The following GALNT3 variants were observed in gnomAD, a reference collection of about 807,000 sequenced individuals.
GALNT3 encodes the protein GalNAc transferase 3.
GALNT3 carries 51 observed loss-of-function variants against 69.8 expected under a neutral mutation model. That is an observed-to-expected ratio of 0.73 (90% CI 0.58 to 0.92). GALNT3 has a LOEUF of 0.92. Ranked by LOEUF, GALNT3 falls within the 40% of genes least tolerant of loss-of-function variation. The probability of loss-of-function intolerance (pLI) is 0.00; values close to 1 mark genes in which losing one functional copy is unlikely to be tolerated. For missense variants in GALNT3, 711 were observed against 760.0 expected, an observed-to-expected ratio of 0.94 and a Z score of 0.76; for synonymous variants, 265 against 248.5, an observed-to-expected ratio of 1.07 and a Z score of -0.63.
At chr2:165,785,880 G>C (rs1683208771) in intron 1 of GALNT3, among the ~76,000 whole-genome samples, 1 of 152,082 alleles carries the variant, frequency 6.6e-6, no homozygotes, top group Non-Finnish European at 1.5e-5. Context: ...AAAGATGTTA[G>C]AGTACATAGA....
intron 9 of GALNT3, among the ~76,000 whole-genome samples, chr2:165,751,732 A>G (rs1412341277): frequency 1.3e-5 from 2 of 152,188 alleles, no homozygotes; most frequent in Admixed American, 1.3e-4. Context: ...TGGCCAGCTT[A>G]GTCACATAAC....
chr2:165,793,278 C>A lies in GALNT3; in HGVS notation c.-109+737G>T, dbSNP rs1031442675. Among the ~76,000 whole-genome samples the A allele has an allele frequency of 9.2e-5, 14 of 152,266 alleles. 1 individual carries two copies. The highest frequency in any genetic ancestry group is 2.6e-4 in the Admixed American group (4 of 15,300). ...AGCCGCGATATGCAGGTCCTTAAGT[C>A]AACAGGTCCTCTAACGAGATGGTGA... On this transcript the variant is annotated intron_variant, in intron 1 of 10. Coordinates refer to ENST00000392701, the MANE Select transcript of GALNT3 (RefSeq NM_004482.4).
intron 3 of GALNT3, among the ~76,000 whole-genome samples, chr2:165,764,664 G>A (rs1175755502): frequency 6.6e-6 from 1 of 152,084 alleles, no homozygotes; most frequent in Admixed American, 6.6e-5. Flanking sequence ...CTCACATTGA[G>A]GACTACATAG....
intron 1 of GALNT3, among the ~76,000 whole-genome samples, chr2:165,792,382 C>T (rs894249041): frequency 6.6e-6 from 1 of 152,170 alleles, no homozygotes; most frequent in African/African-American, 2.4e-5. Context: ...CAGGGAACAA[C>T]TCCTATATCT....
At chr2:165,765,710 G>C (rs1042502646) in intron 2 of GALNT3, among the ~76,000 whole-genome samples, 6 of 151,882 alleles carry the variant, frequency 4.0e-5, no homozygotes, top group Non-Finnish European at 7.4e-5. Flanking sequence ...GGATGGTCTC[G>C]ATCACCTGAC....
intron 1 of GALNT3, among the ~76,000 whole-genome samples, chr2:165,778,560 C>G (rs749182516): frequency 6.6e-6 from 1 of 152,126 alleles, no homozygotes; most frequent in African/African-American, 2.4e-5. Context: ...AACCACTCCC[C>G]CTATGGCTGA....
At chr2:165,775,659 G>A (rs1688834514) in intron 1 of GALNT3, among the ~76,000 whole-genome samples, 1 of 152,132 alleles carries the variant, frequency 6.6e-6, no homozygotes, top group Admixed American at 6.5e-5. Flanking sequence ...ATATACATTA[G>A]TGAAAAGCTC....
rs533522785 is a variant in GALNT3, at chr2:165,773,325, T to C, written c.-108-2517A>G. ...GCACATGTTCTCTTGCCTGCCATCATGTAAGACGTGCCTTTGCTCTTCTTT... is the reference window on the plus strand; with the variant it reads ...GCACATGTTCTCTTGCCTGCCATCACGTAAGACGTGCCTTTGCTCTTCTTT... On this transcript the variant is annotated intron_variant, in intron 1 of 10. Transcript: ENST00000392701. Among the ~76,000 whole-genome samples the C allele has an allele frequency of 3.3e-5, 5 of 152,358 alleles. No homozygotes were observed. The South Asian group carries it at 1.0e-3, about 32-fold the overall frequency.
At chr2:165,758,341 A>C (rs191298482) in intron 6 of GALNT3, among the ~76,000 whole-genome samples, 6 of 152,332 alleles carry the variant, frequency 3.9e-5, no homozygotes, top group Admixed American at 1.3e-4. Flanking sequence ...ATATGTATAG[A>C]AAAAATCAAG....
At position 165,754,691 on chromosome 2, in the gene GALNT3, C is replaced by T. The variant is rs1267550447; in HGVS notation, c.1562G>A (p.Gly521Glu). The T allele has an allele frequency of 5.6e-6, 9 of 1,613,436 alleles. No homozygotes were observed. ...TGGTTTGCCTCCTTGATTGTTTTCT[C>T]CAACATCCAGACATAGAGGCTGACC... ...SVGQPLCLDV[G>E]ENNQGGKPLI... Residue 521 changes from glycine (G) to glutamate (E), a missense_variant, in exon 9 of 11, where the codon GGA becomes GAA. Gly to Glu is a moderately conservative substitution (Grantham distance 98, BLOSUM62 -2). Transcript: ENST00000392701.
At chr2:165,792,219 T>C (rs1683368611) in intron 1 of GALNT3, among the ~76,000 whole-genome samples, 1 of 152,244 alleles carries the variant, frequency 6.6e-6, no homozygotes, top group Admixed American at 6.5e-5. Context: ...TATCTTAATC[T>C]AGGAAAGTAT....
rs556570378 is a variant in GALNT3 at position 165,772,072 on chromosome 2, CA to C, written c.-108-1265del. Among the ~76,000 whole-genome samples, 367 of 152,170 alleles carry C rather than the reference CA, an allele frequency of 2.4e-3. 1 individual carries two copies. Among genetic ancestry groups the C allele is most frequent in the African/African-American group, 8.1e-3 (338 of 41,502 alleles). On this transcript the variant is annotated intron_variant, in intron 1 of 10. Transcript: ENST00000392701. ...TGAGGTTTGGTTGCTTTAAGAACTT[CA>C]GGTAAAAAATGAAATGACCTCTTAA...
intron 1 of GALNT3, among the ~76,000 whole-genome samples, chr2:165,789,674 G>A (rs1041025952): frequency 1.3e-5 from 2 of 150,150 alleles, no homozygotes; most frequent in African/African-American, 4.9e-5. Flanking sequence ...TTCAAGATCA[G>A]CCTGGGCAAC....
rs535787237 is a variant in GALNT3, at chr2:165,770,227, A to T, written c.474T>A (p.Ile158=). ...HCFNAFASDR[I]SLHRDLGPDT... The stretch of plus-strand genomic sequence containing the variant: ...CTGGTCCAAGATCTCGGTGCAAAGA[A>T]ATCCTGTCACTTGCGAAAGCATTAA... Residue 158 remains isoleucine (I), a synonymous_variant, in exon 2 of 11, where the codon ATT becomes ATA. Coordinates refer to ENST00000392701, the MANE Select transcript of GALNT3 (RefSeq NM_004482.4). The T allele has an allele frequency of 6.2e-7, 1 of 1,614,074 alleles. No homozygotes were observed. Among genetic ancestry groups the T allele is most frequent in the African/African-American group, 1.3e-5 (1 of 75,026 alleles).
chr2:165,768,031 G>A (rs1215759636), intron 2 of GALNT3, among the ~76,000 whole-genome samples: 2 of 151,920 alleles, frequency 1.3e-5, no homozygotes, highest in Non-Finnish European at 2.9e-5. Flanking sequence ...ACATCACCAT[G>A]CCCACCTAAT....
chr2:165,760,428 G>T (rs558158800), intron 4 of GALNT3, among the ~76,000 whole-genome samples: 1 of 152,292 alleles, frequency 6.6e-6, no homozygotes, highest in African/African-American at 2.4e-5. Context: ...TTCAGCCAAT[G>T]CATGTGCTGT....
At position 165,765,004 on chromosome 2, in the gene GALNT3, T is replaced by C. The variant is rs1473841595; in HGVS notation, c.568A>G (p.Ile190Val). The change falls in exon 3 of 11, where the codon ATA (isoleucine) becomes GTA (valine). Residue 190 changes from isoleucine (I) to valine (V), a missense_variant. Transcript: ENST00000392701. ...RCPPLPTTSV[I>V]IVFHNEAWST... ...CACGCTTCATTATGAAAAACTATTA[T>C]GACACTGGTGGTGGGCAGGGGAGGG... 9.9e-6 allele frequency: 16 copies of C among 1,614,094 alleles called. No homozygotes were observed. Among genetic ancestry groups the C allele is most frequent in the Non-Finnish European group, 1.4e-5 (16 of 1,180,030 alleles).
At chr2:165,774,881 A>G (rs1326543718) in intron 1 of GALNT3, among the ~76,000 whole-genome samples, 1 of 150,328 alleles carries the variant, frequency 6.7e-6, no homozygotes, top group Admixed American at 6.6e-5. Flanking sequence ...TCTCCCAGCA[A>G]TATTGTGAAG....
Position 165,749,883 on chromosome 2 carries a change from G to A in GALNT3, c.1638C>T (p.Tyr546=). Residue 546 remains tyrosine, a synonymous_variant, in exon 10 of 11, where the codon TAC becomes TAT. Transcript: ENST00000392701. ...TGTGCCGAATTTCATGTTGAGCAGAGTATTCAAAGTACTATGGAAGGAATA... is the reference window on the plus strand; with the variant it reads ...TGTGCCGAATTTCATGTTGAGCAGAATATTCAAAGTACTATGGAAGGAATA... ...HGLGGNQYFE[Y]SAQHEIRHNI... is the part of the protein sequence containing the mutation. 4.3e-6 allele frequency: 7 copies of A among 1,613,392 alleles called. No homozygotes were observed. The highest frequency in any genetic ancestry group is 5.9e-6 in the Non-Finnish European group (7 of 1,179,494).
Sources: allele counts gnomAD v4.1 joint callset (sites outside exome capture counted in the v4.1 genomes callset), GRCh38; gene constraint gnomAD v4.1.1; transcripts MANE v1.5; gene names NCBI Gene and HGNC (gene_info 2026-07-23, HGNC 2026-07-21).